Variants in USP47 observed in about 807,000 individuals in gnomAD.
USP47 encodes the protein ubiquitin carboxyl-terminal hydrolase 47.
USP47 carries 35 observed loss-of-function variants against 165.1 expected under a neutral mutation model. The ratio of observed to expected loss-of-function variants is 0.21; its 90% CI spans 0.16 to 0.28. The LOEUF (loss-of-function observed/expected upper bound fraction) is 0.28. USP47 is among the 10% of genes least tolerant of loss of function. The pLI, the probability that USP47 is intolerant of heterozygous loss-of-function variation, is 1.00. For synonymous variants in USP47, 531 were observed against 544.5 expected (o/e 0.98, Z 0.35); for missense variants, 1,277 against 1,607.4 (o/e 0.79, Z 3.52).
chr11:11,943,108 T>C lies in USP47; in HGVS notation c.3087T>C (p.His1029=). 6.2e-7 allele frequency: 1 copy of C among 1,601,168 alleles called. No homozygotes were observed. Among genetic ancestry groups the C allele is most frequent in the Non-Finnish European group, 8.5e-7 (1 of 1,175,096 alleles). The part of the protein sequence containing the change: ...YAADEGSGEG[H]KWLMVHVDKR... ...CAGATGAAGGTTCTGGGGAAGGACA[T>C]AAATGTATGTACTTCAAAAGAAAAA... is the stretch of plus-strand genomic sequence containing the variant. Residue 1029 remains histidine, a synonymous_variant, in exon 20 of 28, where the codon CAT becomes CAC. Coordinates refer to ENST00000527733, the MANE Select transcript of USP47 (RefSeq NM_001282659.2).
intron 10 of USP47, among the ~76,000 whole-genome samples, chr11:11,920,886 A>G (rs981447861): frequency 2.6e-5 from 4 of 151,872 alleles, no homozygotes; most frequent in African/African-American, 9.7e-5. Context: ...AATGCCTATG[A>G]TGGAATGAAT....
At chr11:11,882,475 A>G (rs769344074) in intron 2 of USP47, among the ~76,000 whole-genome samples, 4 of 152,180 alleles carry the variant, frequency 2.6e-5, no homozygotes, top group Non-Finnish European at 4.4e-5. Context: ...TTAAACTGAA[A>G]TTAACCAGTA....
intron 13 of USP47, 109 bp from the exon 14 acceptor site, chr11:11,930,587 A>T: frequency 1.2e-6 from 1 of 844,926 alleles, no homozygotes; most frequent in South Asian, 1.6e-5. Context: ...CAGTGACATG[A>T]TTTTCTAATT....
intron 1 of USP47, among the ~76,000 whole-genome samples, chr11:11,847,385 G>A (rs1019800935): frequency 2.0e-5 from 3 of 151,128 alleles, no homozygotes; most frequent in Admixed American, 6.6e-5. Context: ...CTTTGATTGT[G>A]ATTTACACAT....
chr11:11,873,831 T>G (rs1850226632), intron 1 of USP47: 1 of 1,490,736 alleles, frequency 6.7e-7, no homozygotes, highest in Admixed American at 2.2e-5. Flanking sequence ...CAAAATATCT[T>G]TGATGAAATG....
In USP47 at chr11:11,884,562, A is replaced by G. The variant is rs762308582; in HGVS notation, c.339A>G (p.Glu113=). ...NFLHLTDKDG[E]QPQILLEDSS... Reference sequence around the variant, plus strand: ...TGCATTTGACAGATAAAGATGGTGAACAACCTCAAATACTGCTGGTAAGCT... The same window carrying G: ...TGCATTTGACAGATAAAGATGGTGAGCAACCTCAAATACTGCTGGTAAGCT... The change falls in exon 3 of 28, where the codon GAA becomes GAG. Residue 113 remains glutamate, a synonymous_variant. Transcript: ENST00000527733. 1 of 1,609,000 alleles carries G rather than the reference A, an allele frequency of 6.2e-7. No homozygotes were observed. The highest frequency in any genetic ancestry group is 8.5e-7 in the Non-Finnish European group (1 of 1,178,438).
At chr11:11,863,967 T>G (rs1849523366) in intron 1 of USP47, among the ~76,000 whole-genome samples, 1 of 152,278 alleles carries the variant, frequency 6.6e-6, no homozygotes, top group Admixed American at 6.5e-5. Context: ...TGGAGAATGA[T>G]ACTTAGAAAT....
At chr11:11,863,044 A>G (rs913824473) in intron 1 of USP47, among the ~76,000 whole-genome samples, 3 of 152,212 alleles carry the variant, frequency 2.0e-5, no homozygotes, top group African/African-American at 7.2e-5. Context: ...ACTAGTGGGA[A>G]TGGAGTTGAA....
At chr11:11,891,542 A>G (rs888617482) in intron 3 of USP47, among the ~76,000 whole-genome samples, 1 of 152,244 alleles carries the variant, frequency 6.6e-6, no homozygotes, top group African/African-American at 2.4e-5. Flanking sequence ...TTTTAAATGC[A>G]TAAGAATTCT....
intron 1 of USP47, among the ~76,000 whole-genome samples, chr11:11,864,655 T>C (rs1353840997): frequency 1.3e-5 from 2 of 152,162 alleles, no homozygotes; most frequent in Non-Finnish European, 2.9e-5. Context: ...TAGCATAATG[T>C]CCTCAAGGTT....
chr11:11,897,396 A>AT (rs1210313542), intron 4 of USP47, among the ~76,000 whole-genome samples: 1 of 152,002 alleles, frequency 6.6e-6, no homozygotes, highest in East Asian at 1.9e-4. Context: ...GTATCCTGAC[A>AT]TTTTCTACAA....
chr11:11,910,737 C>T (rs1405227379), intron 8 of USP47, among the ~76,000 whole-genome samples: 1 of 152,096 alleles, frequency 6.6e-6, no homozygotes, highest in African/African-American at 2.4e-5. Context: ...CTTCTAATGC[C>T]ATCTGGCACT....
chr11:11,925,132 G>A (rs941097840), intron 11 of USP47, among the ~76,000 whole-genome samples: 1 of 151,104 alleles, frequency 6.6e-6, no homozygotes, highest in African/African-American at 2.4e-5. Context: ...TTTTGAGACG[G>A]AGTCTCGCTC....
At chr11:11,950,773 T>C (rs1238446046) in intron 24 of USP47, 6 of 182,882 alleles carry the variant, frequency 3.3e-5, no homozygotes, top group Non-Finnish European at 5.6e-5. Flanking sequence ...TGGTTCCCAT[T>C]TGCCTTTTAA....
chr11:11,842,340 T>C (rs1848172891), intron 1 of USP47, 116 bp downstream of exon 1: 1 of 1,132,622 alleles, frequency 8.8e-7, no homozygotes, highest in Non-Finnish European at 1.2e-6. Flanking sequence ...TGTGGGGGAA[T>C]GAGGAGGCGT....
intron 17 of USP47, among the ~76,000 whole-genome samples, chr11:11,937,357 T>C (rs1313815935): frequency 6.6e-6 from 1 of 151,984 alleles, no homozygotes; most frequent in Non-Finnish European, 1.5e-5. Context: ...TACAAAACTT[T>C]ATTCTGCCCT....
At chr11:11,930,240 C>T in intron 13 of USP47, 120 bp downstream of exon 13, 1 of 797,658 alleles carries the variant, frequency 1.3e-6, no homozygotes, top group Non-Finnish European at 2.0e-6. Flanking sequence ...GAGCCAAATC[C>T]AACCTGCCTC....
chr11:11,948,823 C>G, intron 22 of USP47: 1 of 329,226 alleles, frequency 3.0e-6, no homozygotes, highest in Admixed American at 4.3e-5. Context: ...GTGAACTTGG[C>G]CCTCAGGCCA....
intron 8 of USP47, among the ~76,000 whole-genome samples, chr11:11,912,591 T>C (rs1026138843): frequency 2.0e-5 from 3 of 152,078 alleles, no homozygotes; most frequent in Non-Finnish European, 1.5e-5. Context: ...TGGATACTTG[T>C]ATCAAACATT....
Sources: gnomAD v4.1 joint callset for allele counts (sites outside exome capture counted in the v4.1 genomes callset) on GRCh38, gnomAD v4.1.1 for gene constraint, MANE v1.5 for transcripts, NCBI Gene and HGNC (gene_info 2026-07-23, HGNC 2026-07-21) for gene names.